KCND3: variants seen among roughly 807,000 people sequenced by gnomAD.
The protein encoded by KCND3 is potassium voltage-gated channel subfamily D member 3.
A neutral mutation model predicts 51.1 loss-of-function variants in KCND3; 9 were observed. The ratio of observed to expected loss-of-function variants is 0.18; its 90% CI spans 0.11 to 0.31. The LOEUF is 0.31. Among genes scored for constraint, KCND3 ranks in the 10% least tolerant of loss-of-function variants. The pLI is 1.00. For synonymous variants in KCND3, 349 were observed against 368.0 expected, an observed-to-expected ratio of 0.95 and a Z score of 0.59; for missense variants, 526 against 903.8, an observed-to-expected ratio of 0.58 and a Z score of 5.36.
intron 2 of KCND3, among the ~76,000 whole-genome samples, chr1:111,917,418 T>A (rs933704162): frequency 2.6e-5 from 4 of 152,310 alleles, no homozygotes; most frequent in African/African-American, 9.6e-5. Context: ...GAATAGTCCC[T>A]GGAACCTCAA....
chr1:111,804,416 C>T (rs1433222539), intron 2 of KCND3, among the ~76,000 whole-genome samples: 1 of 152,248 alleles, frequency 6.6e-6, no homozygotes, highest in African/African-American at 2.4e-5. Flanking sequence ...TTGCTCTGAA[C>T]CCTCCCTTTA....
intron 2 of KCND3, among the ~76,000 whole-genome samples, chr1:111,837,301 C>A (rs1432432123): frequency 6.6e-6 from 1 of 152,114 alleles, no homozygotes; most frequent in East Asian, 1.9e-4. Flanking sequence ...AACATTCCCA[C>A]ACCTGATGCT....
At chr1:111,909,168 G>T (rs1172800412) in intron 2 of KCND3, among the ~76,000 whole-genome samples, 1 of 152,000 alleles carries the variant, frequency 6.6e-6, no homozygotes, top group East Asian at 1.9e-4. Context: ...CAACATTCCT[G>T]CCCCACAATA....
At chr1:111,942,515 G>A (rs1419348942) in intron 2 of KCND3, among the ~76,000 whole-genome samples, 1 of 152,214 alleles carries the variant, frequency 6.6e-6, no homozygotes, top group African/African-American at 2.4e-5. Context: ...AGCCAGTGGG[G>A]ACAAAAGTCA....
intron 1 of KCND3, chr1:111,988,912 GT>G (rs553100790): frequency 2.6e-5 from 4 of 152,450 alleles, no homozygotes; most frequent in African/African-American, 9.6e-5. Context: ...GTCCCTTCCC[GT>G]CCCCCACCTC....
intron 2 of KCND3, among the ~76,000 whole-genome samples, chr1:111,797,428 C>T (rs1016797385): frequency 2.6e-5 from 4 of 152,166 alleles, no homozygotes; most frequent in Non-Finnish European, 1.5e-5. Context: ...ACTTTCCCCC[C>T]CATCCTCCTG....
chr1:111,779,340 A>G (rs893057213), intron 5 of KCND3, among the ~76,000 whole-genome samples: 14 of 152,288 alleles, frequency 9.2e-5, no homozygotes, highest in African/African-American at 3.4e-4. Flanking sequence ...GGAGTCATCT[A>G]ACATTTATTC....
intron 2 of KCND3, among the ~76,000 whole-genome samples, chr1:111,821,157 T>C (rs1246916405): frequency 6.6e-6 from 1 of 152,242 alleles, no homozygotes; most frequent in African/African-American, 2.4e-5. Flanking sequence ...TGTCTTCAGA[T>C]GATTAGGTGC....
At position 111,982,060 on chromosome 1, in the gene KCND3, A is replaced by C. The variant is rs778053540; in HGVS notation, c.667T>G (p.Ser223Ala). ...GTGTCCAGGCAGAAGAAGGCCACCG[A>C]GTAGCGCTCCCCGCACGGCAGCTCC... ...SKELPCGERY[S>A]VAFFCLDTAC... The change falls in exon 2 of 8, where the codon TCG becomes GCG. Residue 223 changes from serine to alanine, a missense_variant. Ser to Ala is a moderately conservative substitution (Grantham distance 99). Around this residue, in one of 5 missense-constraint regions of KCND3, gnomAD observed 51 missense variants for 84.7 expected, o/e 0.60. Coordinates refer to ENST00000302127, the MANE Select transcript of KCND3 (RefSeq NM_001378969.1). This position sits in a 1 kb window ranked among gnomAD's most constrained non-coding sequence, Gnocchi z 8.5. The C allele has an allele frequency of 1.9e-6, 3 of 1,613,630 alleles. No homozygotes were observed. In the Admixed American group the frequency reaches 5.0e-5, roughly 27 times the overall value.
intron 2 of KCND3, among the ~76,000 whole-genome samples, chr1:111,968,360 G>A (rs1285225895): frequency 6.0e-5 from 9 of 151,254 alleles, no homozygotes; most frequent in African/African-American, 2.2e-4. Context: ...ACAGAAGAAG[G>A]GAAAAAAGAA....
chr1:111,806,497 T>C (rs1665579787), intron 2 of KCND3, among the ~76,000 whole-genome samples: 1 of 152,248 alleles, frequency 6.6e-6, no homozygotes, highest in Admixed American at 6.5e-5. Flanking sequence ...TTTTTAACCA[T>C]TGTTTTCTCA....
Position 111,982,779 on chromosome 1 carries a change from T to A in KCND3, c.-53A>T, listed in dbSNP as rs1675037543. On this transcript the variant is annotated 5_prime_UTR_variant, in exon 2 of 8. Transcript: ENST00000302127. This position sits in a 1 kb window ranked among gnomAD's most constrained non-coding sequence, Gnocchi z 8.5. Reference sequence around the variant, plus strand: ...CGCGCGGACGCTAGGCACACCAGCTTGGAGTTAGTTCAGCAAACCCTGGGA... The same window carrying A: ...CGCGCGGACGCTAGGCACACCAGCTAGGAGTTAGTTCAGCAAACCCTGGGA... 3.2e-6 allele frequency: 5 copies of A among 1,561,228 alleles called. No individual in the cohort carries two copies. The highest frequency in any genetic ancestry group is 4.3e-6 in the Non-Finnish European group (5 of 1,160,862).
At chr1:111,957,210 T>C (rs964694099) in intron 2 of KCND3, among the ~76,000 whole-genome samples, 8 of 152,148 alleles carry the variant, frequency 5.3e-5, no homozygotes, top group African/African-American at 1.9e-4. Flanking sequence ...CAAGATTCTT[T>C]CTCCAGGAGT....
chr1:111,888,058 CA>C (rs1471580378), intron 2 of KCND3, among the ~76,000 whole-genome samples: 1 of 152,226 alleles, frequency 6.6e-6, no homozygotes, highest in Admixed American at 6.5e-5. Context: ...ATGGGCAGAG[CA>C]AGGTCCAGAG....
chr1:111,976,460 T>C (rs1674630967), intron 2 of KCND3, among the ~76,000 whole-genome samples: 1 of 152,256 alleles, frequency 6.6e-6, no homozygotes, highest in Admixed American at 6.5e-5. Context: ...CGCCAGAAGA[T>C]GGTTATCAAA....
rs551052126 is a variant in KCND3 at position 111,773,212 on chromosome 1, A to G, written c.*2865T>C. The G allele has an allele frequency of 6.6e-6, 1 of 152,266 alleles. No individual in the cohort carries two copies. The highest frequency in any genetic ancestry group is 1.9e-4 in the East Asian group (1 of 5,182). The allele number at this position is 152,266 out of a possible 1,614,324, so 9.4% of individuals were successfully genotyped here. ...AAACATTCTGTTGATTAGGACCAAT[A>G]AAAAAACATGGGAAATTGCTTGGGA... On this transcript the variant is annotated 3_prime_UTR_variant, in exon 8 of 8. Coordinates refer to ENST00000302127, the MANE Select transcript of KCND3 (RefSeq NM_001378969.1).
chr1:111,792,428 G>A (rs896451273), intron 2 of KCND3, among the ~76,000 whole-genome samples: 2 of 152,196 alleles, frequency 1.3e-5, no homozygotes, highest in Admixed American at 6.5e-5. Context: ...CCCAGGGTCA[G>A]GGAAGGACAG....
At position 111,883,904 on chromosome 1, in the gene KCND3, T is replaced by C. The variant is rs569310550; in HGVS notation, c.1107-96798A>G. On this transcript the variant is annotated intron_variant, in intron 2 of 7. Transcript: ENST00000302127. ...CAACTATGAGGTGGGTATTGCTTTC[T>C]CCATTCTTAAAGATGAGAAACTGAT... 1.9e-3 allele frequency among the ~76,000 whole-genome samples: 294 copies of C among 152,352 alleles called. 1 individual carries two copies. The highest frequency in any genetic ancestry group is 2.5e-3 in the Non-Finnish European group (170 of 68,044).
intron 2 of KCND3, among the ~76,000 whole-genome samples, chr1:111,899,209 T>A (rs959253327): frequency 6.6e-6 from 1 of 152,184 alleles, no homozygotes; most frequent in Non-Finnish European, 1.5e-5. Flanking sequence ...AGCTTATCAC[T>A]GTTCCAGCAG....
Sources: gnomAD v4.1 joint callset for allele counts (sites outside exome capture counted in the v4.1 genomes callset) on GRCh38, gnomAD v4.1.1 for gene constraint, gnomAD v4.1.1 regional missense constraint, Gnocchi (gnomAD v3.1) non-coding constraint, MANE v1.5 for transcripts, NCBI Gene and HGNC (gene_info 2026-07-23, HGNC 2026-07-21) for gene names.